PRR5: variants seen among roughly 807,000 people sequenced by gnomAD.
PRR5 encodes the protein proline-rich protein 5.
Under a neutral mutation model 30.6 loss-of-function variants are expected in PRR5, and 25 were observed. That is an observed-to-expected ratio of 0.82 (90% CI 0.60 to 1.14). PRR5 has a LOEUF of 1.14. Ranked by LOEUF, PRR5 falls within the 50% of genes most tolerant of loss-of-function variation. The pLI is 0.00. For synonymous variants in PRR5, 286 were observed against 247.1 expected, an observed-to-expected ratio of 1.16 and a Z score of -1.48; for missense variants, 600 against 547.1, an observed-to-expected ratio of 1.10 and a Z score of -0.96.
chr22:44,727,884 TG>T (rs1921147411), intron 4 of PRR5, among the ~76,000 whole-genome samples: 1 of 151,956 alleles, frequency 6.6e-6, no homozygotes, highest in Non-Finnish European at 1.5e-5. Flanking sequence ...CGGGGAGACA[TG>T]GGGGTTCTGG....
rs756372605 is a variant in PRR5, at chr22:44,691,365, G to C, written c.-10-11127G>C. Among the ~76,000 whole-genome samples the C allele has an allele frequency of 6.6e-6, 1 of 152,182 alleles. No homozygotes were observed. The highest frequency in any genetic ancestry group is 1.5e-5 in the Non-Finnish European group (1 of 68,026). ...GGAGAGGAGGCTACCCAGCTGGAGG[G>C]GTTGTGGTGGGGAGGCCGTGGCCCG... On this transcript the variant is annotated intron_variant, in intron 1 of 8. Transcript: ENST00000006251. The surrounding 1 kb of genome is among the most constrained non-coding windows in gnomAD (Gnocchi z 4.4).
upstream of PRR5, among the ~76,000 whole-genome samples, chr22:44,675,295 G>A (rs1024241391): frequency 6.6e-5 from 10 of 152,052 alleles, no homozygotes; most frequent in South Asian, 8.3e-4. Context: ...GTTTTGCCAC[G>A]TTGCCCAGGC....
upstream of PRR5, among the ~76,000 whole-genome samples, chr22:44,674,197 C>G (rs1159205276): frequency 6.6e-6 from 1 of 151,898 alleles, no homozygotes; most frequent in Admixed American, 6.6e-5. Context: ...CTCTTTTGCC[C>G]AGGCTGGAGT....
At position 44,729,752 on chromosome 22, in the gene PRR5, G is replaced by A. The variant is rs561585625; in HGVS notation, c.323-1978G>A. The A allele has an allele frequency of 2.7e-5, 27 of 985,498 alleles. No homozygotes were observed. In the East Asian group the frequency reaches 3.0e-3, roughly 108 times the overall value. 61.0% of individuals were successfully genotyped at this position (985,498 alleles called of 1,614,324 possible). ...CTCTCGTCACCGTGTGGCTCCAGCT[G>A]GGGCCTGGATTCTGTTTTACAACAT... On this transcript the variant is annotated intron_variant, in intron 4 of 7. Coordinates refer to ENST00000336985, the MANE Select transcript of PRR5 (RefSeq NM_181333.4).
chr22:44,706,650 T>A (rs779811827), intron 1 of PRR5, among the ~76,000 whole-genome samples: 2 of 152,128 alleles, frequency 1.3e-5, no homozygotes. Flanking sequence ...CACCTCAGTC[T>A]CCCAAGTAGC....
intron 1 of PRR5, among the ~76,000 whole-genome samples, chr22:44,694,497 C>A (rs1925572097): frequency 6.6e-6 from 1 of 152,212 alleles, no homozygotes; most frequent in South Asian, 2.1e-4. Context: ...CGTGCCACTG[C>A]ACTCCAGCCT....
At chr22:44,695,086 G>A (rs922048621) in intron 1 of PRR5, among the ~76,000 whole-genome samples, 1 of 151,994 alleles carries the variant, frequency 6.6e-6, no homozygotes, top group East Asian at 1.9e-4. Flanking sequence ...CAAGAGAATC[G>A]CTTGAACCCA....
At chr22:44,671,555 G>C (rs1923427577) in intron 1 of PRR5, among the ~76,000 whole-genome samples, 2 of 152,102 alleles carry the variant, frequency 1.3e-5, no homozygotes, top group South Asian at 4.2e-4. Context: ...GGCCCAGCAG[G>C]AGGAGCCTTC....
At chr22:44,690,636 C>T (rs912340697) in intron 1 of PRR5, among the ~76,000 whole-genome samples, 2 of 152,138 alleles carry the variant, frequency 1.3e-5, no homozygotes, top group South Asian at 2.1e-4. Flanking sequence ...AGCCCGAGGT[C>T]GACATCTATT....
intron 3 of PRR5, 48 bp downstream of exon 3, chr22:44,725,340 C>T: frequency 6.2e-7 from 1 of 1,608,632 alleles, no homozygotes; most frequent in Non-Finnish European, 8.5e-7. Flanking sequence ...CATGAGCCAG[C>T]CAGAAAGCAC....
At chr22:44,735,365 T>C (rs983579088) in intron 7 of PRR5, among the ~76,000 whole-genome samples, 12 of 152,214 alleles carry the variant, frequency 7.9e-5, no homozygotes, top group African/African-American at 2.9e-4. Flanking sequence ...TGAGCGGTGA[T>C]GTGGCAACAC....
At chr22:44,696,788 G>T (rs1164214165) in intron 1 of PRR5, among the ~76,000 whole-genome samples, 1 of 151,314 alleles carries the variant, frequency 6.6e-6, no homozygotes, top group Non-Finnish European at 1.5e-5. Flanking sequence ...CCAGGCTAGA[G>T]TGCAGTGGCA....
intron 5 of PRR5, 32 bp from the exon 6 acceptor site, chr22:44,732,219 A>G (rs1448781754): frequency 1.2e-6 from 2 of 1,606,424 alleles, no homozygotes; most frequent in Admixed American, 3.3e-5. Flanking sequence ...ATGTGACCAC[A>G]GCCGGTGGGG....
chr22:44,732,875 T>G (rs1033476060), intron 6 of PRR5, among the ~76,000 whole-genome samples: 1 of 136,802 alleles, frequency 7.3e-6, no homozygotes, highest in South Asian at 2.3e-4. Flanking sequence ...TACTACACAC[T>G]GCACACACAC....
At chr22:44,674,586 T>G (rs962401618), upstream of PRR5, among the ~76,000 whole-genome samples, 15 of 151,904 alleles carry the variant, frequency 9.9e-5, no homozygotes. Flanking sequence ...CCGGGCGTGG[T>G]GGCAGGCGCC....
At position 44,710,926 on chromosome 22, in the gene PRR5, C is replaced by T. The variant is rs185196337; in HGVS notation, c.135-3665C>T. 2.7e-4 allele frequency among the ~76,000 whole-genome samples: 41 copies of T among 152,264 alleles called. No individual in the cohort carries two copies. In the East Asian group the frequency reaches 7.4e-3, roughly 27 times the overall value. On this transcript the variant is annotated intron_variant, in intron 1 of 7. Coordinates refer to ENST00000336985, the MANE Select transcript of PRR5 (RefSeq NM_181333.4). ...AGGGCGTGCTGACCTTACAGCACCC[C>T]GGGCGGTCGGCACTGTACTGAGAAG... is the stretch of plus-strand genomic sequence containing the variant.
intron 1 of PRR5, chr22:44,679,919 G>A: frequency 6.5e-7 from 1 of 1,546,790 alleles, no homozygotes; most frequent in Non-Finnish European, 8.7e-7. Flanking sequence ...TACGAGGGAG[G>A]CAGGTGTATG....
At chr22:44,672,955 T>C (rs1432368773), upstream of PRR5, among the ~76,000 whole-genome samples, 1 of 152,204 alleles carries the variant, frequency 6.6e-6, no homozygotes, top group African/African-American at 2.4e-5. Context: ...GGTCAGGAAA[T>C]ACTGCCACAG....
At chr22:44,719,223 G>A (rs1017533045) in intron 2 of PRR5, among the ~76,000 whole-genome samples, 2 of 151,368 alleles carry the variant, frequency 1.3e-5, no homozygotes, top group Non-Finnish European at 2.9e-5. Flanking sequence ...GGGACTAGAG[G>A]CGTCCAGCAC....
Sources: gnomAD v4.1 joint callset for allele counts (sites outside exome capture counted in the v4.1 genomes callset) on GRCh38, gnomAD v4.1.1 for gene constraint, Gnocchi (gnomAD v3.1) non-coding constraint, MANE v1.5 for transcripts, NCBI Gene and HGNC (gene_info 2026-07-23, HGNC 2026-07-21) for gene names.